CCSER1: variants seen among roughly 807,000 people sequenced by gnomAD.
CCSER1 encodes serine-rich coiled-coil domain-containing protein 1.
CCSER1 carries 41 observed loss-of-function variants against 82.0 expected under a neutral mutation model. That is an observed-to-expected ratio of 0.50 (90% CI 0.39 to 0.65). CCSER1 has a LOEUF of 0.65. CCSER1 is among the 30% of genes least tolerant of loss of function. The pLI, the probability that CCSER1 is intolerant of heterozygous loss-of-function variation, is 0.00. For synonymous variants in CCSER1, 414 were observed against 383.9 expected, an observed-to-expected ratio of 1.08 and a Z score of -0.92; for missense variants, 1,119 against 1,064.2, an observed-to-expected ratio of 1.05 and a Z score of -0.72.
At chr4:90,499,349 T>C (rs1769492136) in intron 5 of CCSER1, among the ~76,000 whole-genome samples, 1 of 152,146 alleles carries the variant, frequency 6.6e-6, no homozygotes, top group Non-Finnish European at 1.5e-5. Context: ...ATTTCATGTC[T>C]CTATATATGA....
At chr4:90,958,136 A>G (rs746534733) in intron 9 of CCSER1, among the ~76,000 whole-genome samples, 36 of 152,290 alleles carry the variant, frequency 2.4e-4, no homozygotes, top group Non-Finnish European at 4.9e-4. Context: ...GTTTTATTTA[A>G]TGTTTAAGAC....
At chr4:91,546,918 A>G (rs1379228182) in intron 10 of CCSER1, among the ~76,000 whole-genome samples, 4 of 150,096 alleles carry the variant, frequency 2.7e-5, no homozygotes, top group Admixed American at 6.6e-5. Context: ...TTTGATGAGT[A>G]GTATTTTTGT....
intron 10 of CCSER1, among the ~76,000 whole-genome samples, chr4:91,219,355 C>G (rs1379679875): frequency 6.7e-6 from 1 of 148,732 alleles, no homozygotes; most frequent in Non-Finnish European, 1.5e-5. Context: ...CTCTGTCACC[C>G]CAGCTGGAGT....
chr4:91,176,539 C>T (rs955664227), intron 10 of CCSER1, among the ~76,000 whole-genome samples: 1 of 152,124 alleles, frequency 6.6e-6, no homozygotes, highest in Non-Finnish European at 1.5e-5. Context: ...CTTCACATCC[C>T]TTGTAAGTTG....
chr4:91,328,598 A>C (rs182006595), intron 10 of CCSER1, among the ~76,000 whole-genome samples: 75 of 152,334 alleles, frequency 4.9e-4, no homozygotes, highest in Admixed American at 9.2e-4. Context: ...CTTGGATTTT[A>C]GATTTCAGTA....
intron 7 of CCSER1, among the ~76,000 whole-genome samples, chr4:90,757,654 T>C (rs1366472356): frequency 6.6e-6 from 1 of 152,176 alleles, no homozygotes; most frequent in Non-Finnish European, 1.5e-5. Flanking sequence ...CAGAAATGGC[T>C]GAAGAGTCCA....
intron 3 of CCSER1, among the ~76,000 whole-genome samples, chr4:90,387,713 T>C (rs575621318): frequency 2.0e-5 from 3 of 152,296 alleles, no homozygotes; most frequent in African/African-American, 7.2e-5. Context: ...GCTTCCCTTT[T>C]TGGCAGTACT....
Position 90,898,329 on chromosome 4 carries a change from C to CTG in CCSER1, c.2095-25040_2095-25039dup, listed in dbSNP as rs1322407551. On this transcript the variant is annotated intron_variant, in intron 8 of 10. Transcript: ENST00000509176. Reference sequence around the variant, plus strand: ...CAGAGTCTTGCTCTTGTCGCCCAGGCTGGAGTGTAATAGCACGATCTCAGC... The same window carrying CTG: ...CAGAGTCTTGCTCTTGTCGCCCAGGCTGTGGAGTGTAATAGCACGATCTCAGC... 4.3e-5 allele frequency among the ~76,000 whole-genome samples: 5 copies of CTG among 115,410 alleles called. No homozygotes were observed. The East Asian group carries it at 7.7e-4, about 18-fold the overall frequency. 75.7% of individuals were successfully genotyped at this position (115,410 alleles called of 152,430 possible). A position where few individuals can be genotyped will look rare whatever the true frequency, so the allele number is the denominator to read the frequency against.
chr4:91,113,758 T>C (rs1726289551), intron 10 of CCSER1, among the ~76,000 whole-genome samples: 2 of 152,228 alleles, frequency 1.3e-5, no homozygotes, highest in South Asian at 4.1e-4. Flanking sequence ...ATAGAAATCT[T>C]TTAAACATAT....
intron 9 of CCSER1, among the ~76,000 whole-genome samples, chr4:90,984,941 A>G (rs1736457770): frequency 6.6e-6 from 1 of 151,704 alleles, no homozygotes; most frequent in Non-Finnish European, 1.5e-5. Context: ...ATTTCCAGAC[A>G]CTGCCCCCAA....
intron 1 of CCSER1, among the ~76,000 whole-genome samples, chr4:90,251,588 G>T (rs763156729): frequency 1.3e-5 from 2 of 151,774 alleles, no homozygotes; most frequent in Non-Finnish European, 3.0e-5. Flanking sequence ...TCCTCATGGT[G>T]TATGACCTTT....
At chr4:90,233,582 C>T (rs921392810) in intron 1 of CCSER1, among the ~76,000 whole-genome samples, 1 of 151,472 alleles carries the variant, frequency 6.6e-6, no homozygotes, top group African/African-American at 2.4e-5. Flanking sequence ...ATGTAACTAA[C>T]CTGCACATTG....
chr4:90,923,353 G>GT lies in CCSER1; in HGVS notation c.2095-11dup, dbSNP rs1167583737. The GT allele has an allele frequency of 2.4e-5, 37 of 1,545,500 alleles. No homozygotes were observed. The highest frequency in any genetic ancestry group is 3.0e-5 in the Non-Finnish European group (34 of 1,141,518). On this transcript the variant is annotated splice_polypyrimidine_tract_variant and intron_variant, in intron 8 of 10. Transcript: ENST00000509176. ...ACCTCACCAACAATGTGTTGTTGCT[G>GT]TTTTTTCATTTTGCAGGGAAAAGTC...
At chr4:90,846,392 T>A (rs575692582) in intron 8 of CCSER1, among the ~76,000 whole-genome samples, 3 of 152,324 alleles carry the variant, frequency 2.0e-5, no homozygotes, top group Non-Finnish European at 4.4e-5. Context: ...TTTATAGAGA[T>A]CTATTTAATA....
chr4:91,562,468 T>C (rs1762697411), intron 10 of CCSER1, among the ~76,000 whole-genome samples: 1 of 151,574 alleles, frequency 6.6e-6, no homozygotes, highest in Non-Finnish European at 1.5e-5. Context: ...GTTTATCTTC[T>C]TTCCATGTTC....
intron 9 of CCSER1, among the ~76,000 whole-genome samples, chr4:90,932,812 A>G (rs1403187464): frequency 7.9e-6 from 1 of 127,204 alleles, no homozygotes; most frequent in Non-Finnish European, 1.6e-5. Flanking sequence ...TGGGTGACAG[A>G]GCAAGACTCC....
chr4:91,547,792 T>G (rs1321557921), intron 10 of CCSER1, among the ~76,000 whole-genome samples: 2 of 152,070 alleles, frequency 1.3e-5, no homozygotes. Flanking sequence ...TTTTTTTGTT[T>G]GTTTTTTGAG....
chr4:91,433,903 G>C (rs1754479402), intron 10 of CCSER1, among the ~76,000 whole-genome samples: 3 of 152,198 alleles, frequency 2.0e-5, no homozygotes, highest in Admixed American at 2.0e-4. Context: ...GTTTATCACA[G>C]TACCTCACAC....
chr4:91,079,317 C>G (rs368531256), intron 9 of CCSER1, among the ~76,000 whole-genome samples: 1 of 152,108 alleles, frequency 6.6e-6, no homozygotes, highest in Non-Finnish European at 1.5e-5. Context: ...TCATATTCAG[C>G]CAAACTAAGC....
Sources: allele counts gnomAD v4.1 joint callset (sites outside exome capture counted in the v4.1 genomes callset), GRCh38; gene constraint gnomAD v4.1.1; transcripts MANE v1.5; gene names NCBI Gene and HGNC (gene_info 2026-07-23, HGNC 2026-07-21).